The following MYO6 variants were observed in gnomAD, a reference collection of about 807,000 sequenced individuals.
MYO6 encodes myosin VI.
Under a neutral mutation model 178.7 loss-of-function variants are expected in MYO6, and 74 were observed. The observed-to-expected ratio is 0.41, with a 90% CI of 0.34 to 0.50. The LOEUF is 0.50. MYO6 is among the 20% of genes least tolerant of loss of function. MYO6 has a pLI of 0.09. For synonymous variants in MYO6, 477 were observed against 504.6 expected, an observed-to-expected ratio of 0.95 and a Z score of 0.73; for missense variants, 1,330 against 1,547.4, an observed-to-expected ratio of 0.86 and a Z score of 2.36.
At chr6:75,856,523 A>G (rs994573197) in intron 12 of MYO6, among the ~76,000 whole-genome samples, 1 of 136,724 alleles carries the variant, frequency 7.3e-6, no homozygotes, top group Admixed American at 7.4e-5. Context: ...CCCCATGCTT[A>G]TCTTTATGAT....
chr6:75,908,654 G>A (rs937527039), intron 32 of MYO6, 27 bp downstream of exon 32: 23 of 1,609,222 alleles, frequency 1.4e-5, no homozygotes, highest in Middle Eastern at 1.7e-4. Flanking sequence ...ACTTTTGAAC[G>A]TTTTAAAATA....
chr6:75,897,159 G>A (rs897854425), intron 29 of MYO6, among the ~76,000 whole-genome samples: 16 of 152,274 alleles, frequency 1.1e-4, no homozygotes, highest in Middle Eastern at 3.4e-3. Context: ...GAAAAGAAAT[G>A]GAGGAAGCTT....
chr6:75,890,206 A>G lies in MYO6; in HGVS notation c.2808A>G (p.Glu936=). The G allele has an allele frequency of 6.2e-7, 1 of 1,612,262 alleles. No individual in the cohort carries two copies. The highest frequency in any genetic ancestry group is 8.5e-7 in the Non-Finnish European group (1 of 1,178,296). The stretch of plus-strand genomic sequence containing the variant: ...GTATTCAAGAAGAAATGGAAAAGGA[A>G]AGAAAAAGACGTGAAGAAGACGAAA... ...LRRIQEEMEK[E]RKRREEDEKR... Residue 936 remains glutamate (E), a synonymous_variant, in exon 26 of 35, where the codon GAA becomes GAG. Transcript: ENST00000369977.
chr6:75,753,604 G>T (rs1777089235), intron 1 of MYO6, among the ~76,000 whole-genome samples: 1 of 151,884 alleles, frequency 6.6e-6, no homozygotes, highest in African/African-American at 2.4e-5. Context: ...TGGGACCACA[G>T]GTGTATGTCA....
chr6:75,865,927 G>C (rs1222582968), intron 16 of MYO6, among the ~76,000 whole-genome samples: 1 of 152,124 alleles, frequency 6.6e-6, no homozygotes, highest in Non-Finnish European at 1.5e-5. Flanking sequence ...GATATAAATG[G>C]TATGGGCTTT....
At chr6:75,884,116 A>G (rs1281294433) in intron 23 of MYO6, among the ~76,000 whole-genome samples, 3 of 152,190 alleles carry the variant, frequency 2.0e-5, no homozygotes, top group East Asian at 1.9e-4. Flanking sequence ...TACACCATTC[A>G]TTTGTGGACT....
rs530334142 is a variant in MYO6, at chr6:75,815,632, C to T, written c.-47-1869C>T. ...TTGGAATTGTACATAAACCTGATAG[C>T]GTTTGCTGGATAGGGAAAGCAACTC... On this transcript the variant is annotated intron_variant, in intron 1 of 34. Transcript: ENST00000369977. 1.4e-4 allele frequency among the ~76,000 whole-genome samples: 22 copies of T among 152,318 alleles called. No homozygotes were observed. In the East Asian group the frequency reaches 3.7e-3, roughly 25 times the overall value.
At chr6:75,865,465 A>G (rs537379863) in intron 16 of MYO6, 1 of 146,628 alleles carries the variant, frequency 6.8e-6, no homozygotes, top group Non-Finnish European at 1.5e-5. Context: ...CCGGGCTCAA[A>G]CCATCCTCCC....
chr6:75,749,839 T>C (rs775969813), intron 1 of MYO6, among the ~76,000 whole-genome samples: 6 of 152,290 alleles, frequency 3.9e-5, no homozygotes, highest in Non-Finnish European at 5.9e-5. Context: ...CCATTAATAG[T>C]CTAATCATGT....
intron 10 of MYO6, among the ~76,000 whole-genome samples, chr6:75,847,448 T>TAG (rs1774831787): frequency 6.6e-6 from 1 of 152,098 alleles, no homozygotes; most frequent in Non-Finnish European, 1.5e-5. Context: ...GGAAAATTTC[T>TAG]AGTACAATCT....
Position 75,892,634 on chromosome 6 carries a change from C to A in MYO6, c.3051C>A (p.Ala1017=), listed in dbSNP as rs750488242. The change falls in exon 28 of 35, where the codon GCC becomes GCA. Residue 1017 remains alanine (A), a synonymous_variant. Transcript: ENST00000369977. ...RRDRELALRI[A]QSEAELISDE... Reference sequence around the variant, plus strand: ...ACCGGGAGCTGGCCCTGAGGATTGCCCAGAGTGAAGCCGAGCTCATCAGTG... The same window carrying A: ...ACCGGGAGCTGGCCCTGAGGATTGCACAGAGTGAAGCCGAGCTCATCAGTG... The A allele has an allele frequency of 6.2e-7, 1 of 1,613,096 alleles. No individual in the cohort carries two copies. Among genetic ancestry groups the A allele is most frequent in the Non-Finnish European group, 8.5e-7 (1 of 1,180,014 alleles).
chr6:75,775,770 T>C (rs1364926914), intron 1 of MYO6, among the ~76,000 whole-genome samples: 1 of 152,082 alleles, frequency 6.6e-6, no homozygotes, highest in African/African-American at 2.4e-5. Flanking sequence ...TTTGAGGGAA[T>C]ATGGTCTGAG....
Position 75,840,687 on chromosome 6 carries a change from G to A in MYO6, c.651+5G>A. ...GAAATACATTTTAATGAAAAGGTAA[G>A]TGAGAGTAAGCTTTGGAATGATATT... On this transcript the variant is annotated splice_donor_5th_base_variant and intron_variant, in intron 8 of 34. Transcript: ENST00000369977. 6.3e-7 allele frequency: 1 copy of A among 1,592,148 alleles called. No individual in the cohort carries two copies. Among genetic ancestry groups the A allele is most frequent in the Non-Finnish European group, 8.6e-7 (1 of 1,160,208 alleles).
At chr6:75,895,184 A>C (rs746476362) in intron 28 of MYO6, 47 bp from the exon 29 acceptor site, 1 of 1,433,826 alleles carries the variant, frequency 7.0e-7, no homozygotes, top group South Asian at 1.2e-5. Context: ...AGATTTTCAC[A>C]GTTCACAATT....
intron 1 of MYO6, among the ~76,000 whole-genome samples, chr6:75,787,930 TTA>T (rs1328048012): frequency 3.3e-5 from 5 of 150,570 alleles, no homozygotes; most frequent in African/African-American, 9.8e-5. Context: ...CAGCTAATTT[TTA>T]TGTCTTTTGT....
intron 1 of MYO6, among the ~76,000 whole-genome samples, chr6:75,792,536 T>C (rs531768738): frequency 6.6e-6 from 1 of 152,328 alleles, no homozygotes; most frequent in South Asian, 2.1e-4. Context: ...CTTTGACGTT[T>C]CCTATTTCTA....
chr6:75,785,585 G>A (rs939692164), intron 1 of MYO6, among the ~76,000 whole-genome samples: 11 of 150,570 alleles, frequency 7.3e-5, no homozygotes, highest in East Asian at 5.9e-4. Context: ...CGATCGTCCC[G>A]TGGAGCTAGG....
intron 1 of MYO6, among the ~76,000 whole-genome samples, chr6:75,783,464 A>G (rs943532981): frequency 6.6e-6 from 1 of 151,840 alleles, no homozygotes; most frequent in Non-Finnish European, 1.5e-5. Context: ...CGGTATTTTG[A>G]TGATGGCTCA....
At position 75,848,442 on chromosome 6, in the gene MYO6, A is replaced by G; in HGVS notation, c.989A>G (p.Asp330Gly). 1 of 1,613,906 alleles carries G rather than the reference A, an allele frequency of 6.2e-7. No homozygotes were observed. Among genetic ancestry groups the G allele is most frequent in the Non-Finnish European group, 8.5e-7 (1 of 1,179,858 alleles). The change falls in exon 11 of 35, where the codon GAT becomes GGT. Residue 330 changes from aspartate to glycine, a missense_variant. Physicochemically the swap from Asp to Gly is moderately conservative, Grantham distance 94. Coordinates refer to ENST00000369977, the MANE Select transcript of MYO6 (RefSeq NM_004999.4). Reference sequence around the variant, plus strand: ...ACGGCTATGAAAAAAATTGGTTTGGATGATGAAGAAAAGCTTGATCTCTTC... The same window carrying G: ...ACGGCTATGAAAAAAATTGGTTTGGGTGATGAAGAAAAGCTTGATCTCTTC... Reference protein sequence around the residue: ...MCTAMKKIGLDDEEKLDLFRV... With the variant: ...MCTAMKKIGLGDEEKLDLFRV...
Sources: gnomAD v4.1 joint callset for allele counts (sites outside exome capture counted in the v4.1 genomes callset) on GRCh38, gnomAD v4.1.1 for gene constraint, MANE v1.5 for transcripts, NCBI Gene and HGNC (gene_info 2026-07-23, HGNC 2026-07-21) for gene names.